GRAMD1B: variants seen among roughly 807,000 people sequenced by gnomAD.
GRAMD1B encodes the protein protein Aster-B.
Under a neutral mutation model 99.7 loss-of-function variants are expected in GRAMD1B, and 37 were observed. The ratio of observed to expected loss-of-function variants is 0.37; its 90% CI spans 0.29 to 0.49. GRAMD1B has a LOEUF of 0.49. Ranked by LOEUF, GRAMD1B falls within the 20% of genes least tolerant of loss-of-function variation. The pLI is 0.98. For missense variants in GRAMD1B, 888 were observed against 1,009.2 expected (o/e 0.88, Z 1.63); for synonymous variants, 427 against 387.6 (o/e 1.10, Z -1.19).
intron 1 of GRAMD1B, among the ~76,000 whole-genome samples, chr11:123,360,325 C>T (rs1172151150): frequency 6.6e-6 from 1 of 152,206 alleles, no homozygotes; most frequent in Non-Finnish European, 1.5e-5. Context: ...GGGACCTTCA[C>T]TGCAGCTTAG....
At chr11:123,603,193 A>G (rs1952209736) in intron 8 of GRAMD1B, among the ~76,000 whole-genome samples, 1 of 152,174 alleles carries the variant, frequency 6.6e-6, no homozygotes, top group African/African-American at 2.4e-5. Flanking sequence ...CTGTTGAGGG[A>G]TTGGGCACTG....
rs570291677 is a variant in GRAMD1B at position 123,472,441 on chromosome 11, C to T, written c.375-8375C>T. Among the ~76,000 whole-genome samples, 4 of 152,210 alleles carry T rather than the reference C, an allele frequency of 2.6e-5. No homozygotes were observed. The East Asian group carries it at 7.7e-4, about 29-fold the overall frequency. On this transcript the variant is annotated intron_variant, in intron 1 of 19. Coordinates refer to ENST00000635736, the MANE Select transcript of GRAMD1B (RefSeq NM_001387025.1). ...CAAGCGTTCCTCCCACCTCGGCCTC[C>T]CCGGTGAAGCAGCGTTGTTGTCTGG... is the stretch of plus-strand genomic sequence containing the variant.
Position 123,608,746 on chromosome 11 carries a change from T to A in GRAMD1B, c.1601T>A (p.Leu534His), listed in dbSNP as rs554684318. ...TTCAGCGTGGACAAGCTCTATGACCTCCTCTTCACCAACTCGCCCTTCCAG... is the reference window on the plus strand; with the variant it reads ...TTCAGCGTGGACAAGCTCTATGACCACCTCTTCACCAACTCGCCCTTCCAG... ...FNFSVDKLYD[L>H]LFTNSPFQRD... Residue 534 changes from leucine to histidine, a missense_variant, in exon 12 of 20, where the codon CTC (leucine) becomes CAC (histidine). By Grantham distance (99) the Leu-to-His change is moderately conservative (BLOSUM62 -3). Around this residue, in one of 5 missense-constraint regions of GRAMD1B, gnomAD observed 269 missense variants for 296.6 expected, o/e 0.91. Transcript: ENST00000635736. 1 of 1,553,242 alleles carries A rather than the reference T, an allele frequency of 6.4e-7. No homozygotes were observed. Among genetic ancestry groups the A allele is most frequent in the Middle Eastern group, 1.7e-4 (1 of 5,860 alleles).
chr11:123,578,527 C>G lies in GRAMD1B; in HGVS notation c.663+950C>G, dbSNP rs1948984569. ...CTCCCTCTGGCCCTGCCGATTCTGGCCCTTATATCCTGCTTGGTCCCTTTC... is the reference window on the plus strand; with the variant it reads ...CTCCCTCTGGCCCTGCCGATTCTGGGCCTTATATCCTGCTTGGTCCCTTTC... On this transcript the variant is annotated intron_variant, in intron 3 of 19. Coordinates refer to ENST00000635736, the MANE Select transcript of GRAMD1B (RefSeq NM_001387025.1). The G allele has an allele frequency of 3.5e-6, 3 of 851,210 alleles. No individual in the cohort carries two copies. The Admixed American group carries it at 6.0e-5, about 17-fold the overall frequency. The allele number at this position is 851,210 out of a possible 1,614,324, so 52.7% of individuals were successfully genotyped here.
At chr11:123,532,482 C>CCA (rs1279558487) in intron 2 of GRAMD1B, among the ~76,000 whole-genome samples, 5 of 152,212 alleles carry the variant, frequency 3.3e-5, no homozygotes, top group Non-Finnish European at 7.3e-5. Flanking sequence ...ATCATACATA[C>CCA]CACTACTGCA....
intron 1 of GRAMD1B, among the ~76,000 whole-genome samples, chr11:123,448,033 TA>T (rs112125632): frequency 0.17 from 25,842 of 151,338 alleles, 2,430 homozygotes; most frequent in African/African-American, 0.26. Context: ...TATATGTATT[TA>T]AAAAAAAAGA....
chr11:123,506,747 C>T lies in GRAMD1B; in HGVS notation c.452+25854C>T, dbSNP rs76436722. 9.3e-3 allele frequency among the ~76,000 whole-genome samples: 1,401 copies of T among 150,466 alleles called. 14 individuals are homozygous for T. The highest frequency in any genetic ancestry group is 0.033 in the African/African-American group (1,330 of 40,458). ...TATTTAGACAACCTGAATTAGTACC[C>T]CTCCCCCTCTCTCCCACCCTGTTTT... On this transcript the variant is annotated intron_variant, in intron 2 of 19. Transcript: ENST00000635736.
At position 123,626,701 on chromosome 11, in the gene GRAMD1B, C is replaced by T. The variant is rs1828095341; in HGVS notation, c.*4106C>T. 1 of 152,448 alleles carries T rather than the reference C, an allele frequency of 6.6e-6. No homozygotes were observed. 9.4% of individuals were successfully genotyped at this position (152,448 alleles called of 1,614,324 possible). On this transcript the variant is annotated 3_prime_UTR_variant, in exon 20 of 20. Transcript: ENST00000635736. ...CCCACCTTCGCCACTTGTCTCTAGG[C>T]TATGGGACAATCATCCCATTCACCA...
chr11:123,609,397 G>A lies in GRAMD1B; in HGVS notation c.1658-398G>A, dbSNP rs142367429. On this transcript the variant is annotated intron_variant, in intron 12 of 19. Coordinates refer to ENST00000635736, the MANE Select transcript of GRAMD1B (RefSeq NM_001387025.1). ...TGTAACAAAGCATTTGGGCATCAGC[G>A]ATCCTGTGTGCCAAGAGGAGAGGGC... Among the ~76,000 whole-genome samples the A allele has an allele frequency of 1.1e-3, 168 of 152,244 alleles. 1 individual carries two copies. The highest frequency in any genetic ancestry group is 3.1e-3 in the African/African-American group (130 of 41,536).
chr11:123,462,890 TTAA>T (rs1266563082), intron 1 of GRAMD1B, among the ~76,000 whole-genome samples: 8 of 123,096 alleles, frequency 6.5e-5, no homozygotes, highest in East Asian at 4.8e-4. Context: ...AAAAAATAAA[TTAA>T]AAAAAAAAAA....
chr11:123,565,217 T>C (rs1947227505), intron 2 of GRAMD1B, among the ~76,000 whole-genome samples: 1 of 151,486 alleles, frequency 6.6e-6, no homozygotes. Context: ...TTTTTTTTTT[T>C]TTTTAGGGAT....
At chr11:123,366,550 A>G (rs899454830) in intron 1 of GRAMD1B, among the ~76,000 whole-genome samples, 1 of 152,240 alleles carries the variant, frequency 6.6e-6, no homozygotes, top group Non-Finnish European at 1.5e-5. Flanking sequence ...GCTACGTTGT[A>G]TAACTGCACT....
chr11:123,462,681 C>T, intron 1 of GRAMD1B, among the ~76,000 whole-genome samples: 1 of 152,114 alleles, frequency 6.6e-6, no homozygotes, highest in Non-Finnish European at 1.5e-5. Context: ...TGCTTGAAGG[C>T]AGCATGCTCG....
intron 1 of GRAMD1B, among the ~76,000 whole-genome samples, chr11:123,453,931 A>G (rs996413839): frequency 3.3e-5 from 5 of 152,266 alleles, no homozygotes; most frequent in East Asian, 3.9e-4. Context: ...ATGTGTTTCT[A>G]TTTCTTCCAA....
chr11:123,558,026 C>T (rs1946339408), intron 2 of GRAMD1B, among the ~76,000 whole-genome samples: 1 of 149,692 alleles, frequency 6.7e-6, no homozygotes, highest in Non-Finnish European at 1.5e-5. Context: ...CTCTGTCGCC[C>T]AGGCTGGAGT....
intron 1 of GRAMD1B, among the ~76,000 whole-genome samples, chr11:123,378,491 T>A (rs1946765452): frequency 6.6e-6 from 1 of 152,218 alleles, no homozygotes; most frequent in Non-Finnish European, 1.5e-5. Flanking sequence ...TTCATCAGGT[T>A]GTCTTTTGCT....
intron 1 of GRAMD1B, among the ~76,000 whole-genome samples, chr11:123,453,192 C>T (rs1949964104): frequency 6.6e-6 from 1 of 152,010 alleles, no homozygotes. Flanking sequence ...ACCTCTAATC[C>T]AGCTTAAATT....
intron 2 of GRAMD1B, among the ~76,000 whole-genome samples, chr11:123,516,325 A>G (rs1345327702): frequency 1.3e-5 from 2 of 152,202 alleles, no homozygotes; most frequent in African/African-American, 2.4e-5. Context: ...GGTAGTGGGT[A>G]TCTGTGCCTG....
rs1199354535 is a variant in GRAMD1B at position 123,625,225 on chromosome 11, T to G, written c.*2630T>G. ...TGGCCATTTGCCTGGCTAGTTGCTG[T>G]CTACAAGGGAGCATCAAAACATCAC... On this transcript the variant is annotated 3_prime_UTR_variant, in exon 20 of 20. Transcript: ENST00000635736. 1 of 152,254 alleles carries G rather than the reference T, an allele frequency of 6.6e-6. No individual in the cohort carries two copies. Among genetic ancestry groups the G allele is most frequent in the Non-Finnish European group, 1.5e-5 (1 of 68,052 alleles). The allele number at this position is 152,254 out of a possible 1,614,324, so 9.4% of individuals were successfully genotyped here.
Sources: gnomAD v4.1 joint callset for allele counts (sites outside exome capture counted in the v4.1 genomes callset) on GRCh38, gnomAD v4.1.1 for gene constraint, gnomAD v4.1.1 regional missense constraint, MANE v1.5 for transcripts, NCBI Gene and HGNC (gene_info 2026-07-23, HGNC 2026-07-21) for gene names.